Variants in CADPS2 observed in about 807,000 individuals in gnomAD.
The protein encoded by CADPS2 is calcium dependent secretion activator 2, also known as calcium-dependent secretion activator 2.
In CADPS2, 93 loss-of-function variants were observed where a neutral mutation model predicts 172.5. The observed-to-expected ratio is 0.54, with a 90% CI of 0.46 to 0.64. CADPS2 has a LOEUF of 0.64. Ranked by LOEUF, CADPS2 falls within the 30% of genes least tolerant of loss-of-function variation. The probability of loss-of-function intolerance (pLI) is 0.00; values close to 1 mark genes in which losing one functional copy is unlikely to be tolerated. For synonymous variants in CADPS2, 546 were observed against 555.2 expected, an observed-to-expected ratio of 0.98 and a Z score of 0.23; for missense variants, 1,420 against 1,565.9, an observed-to-expected ratio of 0.91 and a Z score of 1.57.
intron 1 of CADPS2, among the ~76,000 whole-genome samples, chr7:122,749,119 A>G (rs1404503075): frequency 6.6e-6 from 1 of 152,154 alleles, no homozygotes; most frequent in African/African-American, 2.4e-5. Context: ...TTTTATTCTA[A>G]GAAAAAGGGA....
intron 16 of CADPS2, among the ~76,000 whole-genome samples, chr7:122,438,962 C>A (rs1193746621): frequency 6.6e-6 from 1 of 151,648 alleles, no homozygotes; most frequent in African/African-American, 2.4e-5. Flanking sequence ...TCTAATCTCA[C>A]TAAATTTTAA....
intron 1 of CADPS2, among the ~76,000 whole-genome samples, chr7:122,797,220 G>A (rs1255630725): frequency 6.6e-6 from 1 of 152,118 alleles, no homozygotes; most frequent in East Asian, 1.9e-4. Flanking sequence ...TGATGTTGCA[G>A]AAAAAGGAAT....
chr7:122,539,478 G>T (rs2062677242), intron 8 of CADPS2, among the ~76,000 whole-genome samples: 1 of 152,074 alleles, frequency 6.6e-6, no homozygotes, highest in Non-Finnish European at 1.5e-5. Flanking sequence ...TATGTGGGCA[G>T]GAGCGAAATA....
At chr7:122,604,557 T>A (rs1587763575) in intron 6 of CADPS2, among the ~76,000 whole-genome samples, 1 of 152,184 alleles carries the variant, frequency 6.6e-6, no homozygotes, top group African/African-American at 2.4e-5. Flanking sequence ...AAAGTTTGCA[T>A]GTGAAGTATG....
At chr7:122,618,254 T>C (rs907028411) in intron 5 of CADPS2, among the ~76,000 whole-genome samples, 1 of 152,166 alleles carries the variant, frequency 6.6e-6, no homozygotes, top group Admixed American at 6.5e-5. Flanking sequence ...AACGGCTGTT[T>C]TTTTGATACC....
rs150794074 is a variant in CADPS2 at position 122,325,804 on chromosome 7, G to A, written c.3613-223C>T. ...TAGGCTGTTCTTTAAATGAATTAAC[G>A]TTACAGTCTTTCAGCTGTAACATAT... is the stretch of plus-strand genomic sequence containing the variant. On this transcript the variant is annotated intron_variant, in intron 28 of 29. Coordinates refer to ENST00000449022, the MANE Select transcript of CADPS2 (RefSeq NM_017954.11). 5.3e-5 allele frequency among the ~76,000 whole-genome samples: 8 copies of A among 152,066 alleles called. No homozygotes were observed. The East Asian group carries it at 5.8e-4, about 11-fold the overall frequency.
chr7:122,886,327 G>A lies in CADPS2; in HGVS notation c.11C>T (p.Pro4Leu), dbSNP rs1356556434. The change falls in exon 1 of 30, where the codon CCG becomes CTG. Residue 4 changes from proline to leucine, a missense_variant. By Grantham distance (98) the Pro-to-Leu change is moderately conservative. Transcript: ENST00000449022. ...GTCCGACTCCTCTTCGCTGGAAGAC[G>A]GGTCCAGCATGGTGCTCGGGGATCC... MLD[P>L]SSSEEESDEG... is the part of the protein sequence containing the mutation. 1.1e-5 allele frequency: 17 copies of A among 1,502,434 alleles called. No homozygotes were observed. The highest frequency in any genetic ancestry group is 2.9e-5 in the African/African-American group (2 of 68,782). The allele number at this position is 1,502,434 out of a possible 1,614,324, so 93.1% of individuals were successfully genotyped here.
Position 122,361,023 on chromosome 7 carries a change from A to C in CADPS2, c.3388-10T>G. 1 of 1,592,078 alleles carries C rather than the reference A, an allele frequency of 6.3e-7. No homozygotes were observed. The highest frequency in any genetic ancestry group is 8.6e-7 in the Non-Finnish European group (1 of 1,161,086). On this transcript the variant is annotated splice_polypyrimidine_tract_variant and intron_variant, in intron 25 of 29. Transcript: ENST00000449022. ...CCAACACTGAAACAAACTATAATAC[A>C]GTTATAGTGAGTATTTAGAATGTTA...
Position 122,451,445 on chromosome 7 carries a change from T to C in CADPS2, c.2217A>G (p.Glu739=). 6.3e-7 allele frequency: 1 copy of C among 1,587,636 alleles called. No individual in the cohort carries two copies. Residue 739 remains glutamate, a synonymous_variant, in exon 15 of 30, where the codon GAA becomes GAG. Transcript: ENST00000449022. ...RPDGIGTVSV[E]EKERFEEIKE... is the part of the protein sequence containing the mutation. The stretch of plus-strand genomic sequence containing the variant: ...TTATCTCCTCAAATCTTTCTTTTTC[T>C]TCCACTGAAACAGTCCCAATTCCAT...
At chr7:122,484,424 T>C (rs2057598533) in intron 11 of CADPS2, among the ~76,000 whole-genome samples, 1 of 151,632 alleles carries the variant, frequency 6.6e-6, no homozygotes, top group African/African-American at 2.4e-5. Context: ...CTTCAACTCT[T>C]TGTGTTAGAA....
chr7:122,499,398 A>G (rs1388565012), intron 9 of CADPS2, among the ~76,000 whole-genome samples: 1 of 152,220 alleles, frequency 6.6e-6, no homozygotes, highest in Admixed American at 6.5e-5. Context: ...TCAACTCACA[A>G]TCATAACCAT....
chr7:122,428,189 T>G (rs913290474), intron 17 of CADPS2, among the ~76,000 whole-genome samples: 2 of 152,134 alleles, frequency 1.3e-5, no homozygotes, highest in Non-Finnish European at 2.9e-5. Flanking sequence ...TAAATAATAC[T>G]AAATGTTTTT....
chr7:122,489,980 CAATT>C, intron 11 of CADPS2, 97 bp downstream of exon 11: 1 of 939,088 alleles, frequency 1.1e-6, no homozygotes, highest in Non-Finnish European at 1.6e-6. Context: ...AATTAGGAAT[CAATT>C]AATGATGTAA....
intron 27 of CADPS2, among the ~76,000 whole-genome samples, chr7:122,346,478 A>C (rs2037681583): frequency 6.6e-6 from 1 of 152,228 alleles, no homozygotes; most frequent in Non-Finnish European, 1.5e-5. Context: ...ATTTTTTATT[A>C]AGCTGAGTAA....
At chr7:122,793,313 T>G (rs1434442820) in intron 1 of CADPS2, among the ~76,000 whole-genome samples, 4 of 152,222 alleles carry the variant, frequency 2.6e-5, no homozygotes, top group Non-Finnish European at 5.9e-5. Context: ...GGTGCTTCCA[T>G]GCTGGGTGCA....
intron 9 of CADPS2, among the ~76,000 whole-genome samples, chr7:122,509,027 C>T (rs1161555437): frequency 1.3e-5 from 2 of 152,128 alleles, no homozygotes; most frequent in Non-Finnish European, 2.9e-5. Flanking sequence ...GATTTGGCAA[C>T]AATATCTCTG....
chr7:122,759,702 A>C (rs892664984), intron 1 of CADPS2, among the ~76,000 whole-genome samples: 4 of 152,198 alleles, frequency 2.6e-5, no homozygotes, highest in Non-Finnish European at 5.9e-5. Flanking sequence ...AGACTGCAGG[A>C]ATCCAAAATT....
At chr7:122,428,313 T>C (rs2049416007) in intron 17 of CADPS2, among the ~76,000 whole-genome samples, 1 of 152,102 alleles carries the variant, frequency 6.6e-6, no homozygotes, top group Non-Finnish European at 1.5e-5. Context: ...ATTGTCACTG[T>C]ATTCTTTAAC....
chr7:122,801,692 A>C (rs1020947163), intron 1 of CADPS2, among the ~76,000 whole-genome samples: 48 of 152,222 alleles, frequency 3.2e-4, no homozygotes, highest in Non-Finnish European at 1.5e-5. Flanking sequence ...GAAAGAAAAA[A>C]ATGTAAAAAT....
Sources: allele counts gnomAD v4.1 joint callset (sites outside exome capture counted in the v4.1 genomes callset), GRCh38; gene constraint gnomAD v4.1.1; transcripts MANE v1.5; gene names NCBI Gene and HGNC (gene_info 2026-07-23, HGNC 2026-07-21).